SLC4A4: variants seen among roughly 807,000 people sequenced by gnomAD.
The protein encoded by SLC4A4 is electrogenic sodium bicarbonate cotransporter 1.
A neutral mutation model predicts 111.5 loss-of-function variants in SLC4A4; 27 were observed. The observed-to-expected ratio is 0.24, with a 90% CI of 0.18 to 0.33. The LOEUF (loss-of-function observed/expected upper bound fraction) is 0.33, where lower values mean the gene tolerates loss of function less well. Among genes scored for constraint, SLC4A4 ranks in the 10% least tolerant of loss-of-function variants. The probability of loss-of-function intolerance (pLI) is 1.00; values close to 1 mark genes in which losing one functional copy is unlikely to be tolerated. For synonymous variants in SLC4A4, 443 were observed against 463.4 expected (o/e 0.96, Z 0.57); for missense variants, 909 against 1,315.5 (o/e 0.69, Z 4.78).
intron 6 of SLC4A4, among the ~76,000 whole-genome samples, chr4:71,385,353 C>A (rs924829161): frequency 2.6e-5 from 4 of 151,218 alleles, no homozygotes; most frequent in African/African-American, 9.7e-5. Context: ...CATGCACCAT[C>A]CGACCCGGCT....
chr4:71,382,762 A>T (rs979562383), intron 6 of SLC4A4, among the ~76,000 whole-genome samples: 6 of 152,294 alleles, frequency 3.9e-5, no homozygotes, highest in Non-Finnish European at 7.4e-5. Flanking sequence ...AGCCACATCT[A>T]CAACATACCC....
At chr4:71,567,164 G>T (rs369496578) in intron 25 of SLC4A4, 81 bp downstream of exon 25, 4 of 1,108,266 alleles carry the variant, frequency 3.6e-6, no homozygotes, top group Non-Finnish European at 5.3e-6. Flanking sequence ...GTTATTGACA[G>T]AACTTCTTGT....
At chr4:71,211,855 C>T (rs1476628291) in intron 1 of SLC4A4, among the ~76,000 whole-genome samples, 5 of 150,410 alleles carry the variant, frequency 3.3e-5, no homozygotes, top group Admixed American at 2.7e-4. Context: ...GACTGTCAGG[C>T]CTGGAGTTGT....
At chr4:71,199,686 G>T (rs1385508081) in intron 1 of SLC4A4, among the ~76,000 whole-genome samples, 1 of 152,014 alleles carries the variant, frequency 6.6e-6, no homozygotes, top group African/African-American at 2.4e-5. Flanking sequence ...GTCTTGCTTT[G>T]TTGCCCAGGC....
At chr4:71,468,726 A>T (rs1727606579) in intron 13 of SLC4A4, among the ~76,000 whole-genome samples, 1 of 66,242 alleles carries the variant, frequency 1.5e-5, no homozygotes, top group East Asian at 5.6e-4. Flanking sequence ...GACTCATTCC[A>T]TGCTCCATGA....
intron 7 of SLC4A4, among the ~76,000 whole-genome samples, chr4:71,420,566 T>C (rs1722349359): frequency 6.6e-6 from 1 of 151,964 alleles, no homozygotes; most frequent in African/African-American, 2.4e-5. Context: ...GAAGGAAAAA[T>C]GTTAAGGGCA....
intron 1 of SLC4A4, among the ~76,000 whole-genome samples, chr4:71,199,993 G>A (rs890518902): frequency 3.3e-5 from 5 of 152,102 alleles, no homozygotes; most frequent in African/African-American, 1.2e-4. Context: ...GGAAAAAGCA[G>A]GTTAGAGCAT....
chr4:71,531,818 G>A (rs879747288), intron 16 of SLC4A4, among the ~76,000 whole-genome samples: 24 of 151,166 alleles, frequency 1.6e-4, no homozygotes, highest in Admixed American at 7.3e-4. Context: ...AAGAGAGAGA[G>A]AGAGAGAGAA....
chr4:71,348,715 C>T (rs1330333931), intron 4 of SLC4A4, among the ~76,000 whole-genome samples: 4 of 152,030 alleles, frequency 2.6e-5, no homozygotes, highest in Non-Finnish European at 5.9e-5. Context: ...GTGGGCTGAT[C>T]GCTTGATCTA....
At chr4:71,286,785 T>C (rs2149097597) in intron 3 of SLC4A4, among the ~76,000 whole-genome samples, 1 of 152,372 alleles carries the variant, frequency 6.6e-6, no homozygotes. Flanking sequence ...CTAACCTTTA[T>C]TGTTACTACT....
At chr4:71,413,027 G>A (rs1721506280) in intron 7 of SLC4A4, among the ~76,000 whole-genome samples, 1 of 152,174 alleles carries the variant, frequency 6.6e-6, no homozygotes, top group Non-Finnish European at 1.5e-5. Flanking sequence ...GCCCCCAGAT[G>A]CAGATGAAGA....
intron 2 of SLC4A4, among the ~76,000 whole-genome samples, chr4:71,120,331 G>A (rs1043859019): frequency 5.3e-5 from 8 of 152,156 alleles, no homozygotes; most frequent in South Asian, 4.1e-4. Flanking sequence ...CCACCAGGGT[G>A]ATAATGCTTC....
intron 2 of SLC4A4, among the ~76,000 whole-genome samples, chr4:71,110,771 T>G (rs1743063204): frequency 1.3e-5 from 2 of 152,190 alleles, no homozygotes; most frequent in African/African-American, 4.8e-5. Context: ...GGCTCTAGAT[T>G]CTTTTTAAAT....
At chr4:71,459,884 T>C (rs546712954) in intron 12 of SLC4A4, among the ~76,000 whole-genome samples, 3 of 152,070 alleles carry the variant, frequency 2.0e-5, no homozygotes, top group Non-Finnish European at 4.4e-5. Context: ...AAATAATGGT[T>C]CATTTTTGTT....
intron 7 of SLC4A4, among the ~76,000 whole-genome samples, chr4:71,406,968 A>G (rs767039191): frequency 6.6e-6 from 1 of 152,168 alleles, no homozygotes; most frequent in Non-Finnish European, 1.5e-5. Flanking sequence ...TGTCAACTCT[A>G]TTTGACATAT....
intron 2 of SLC4A4, among the ~76,000 whole-genome samples, chr4:71,178,759 A>G (rs943088233): frequency 2.0e-4 from 30 of 152,278 alleles, no homozygotes; most frequent in Admixed American, 1.2e-3. Context: ...ATTCACAGCC[A>G]AATTCTACCA....
chr4:71,087,537 C>T (rs1257204680), intron 1 of SLC4A4, among the ~76,000 whole-genome samples: 2 of 152,032 alleles, frequency 1.3e-5, no homozygotes, highest in Admixed American at 1.3e-4. Flanking sequence ...CTCTAGTGGG[C>T]ATTTAGTGCT....
intron 2 of SLC4A4, among the ~76,000 whole-genome samples, chr4:71,155,993 A>G (rs1326364817): frequency 1.3e-5 from 2 of 152,214 alleles, no homozygotes; most frequent in African/African-American, 2.4e-5. Context: ...CAAAATTAAC[A>G]AGAATACACA....
At chr4:71,438,060 T>C (rs1191790365) in intron 7 of SLC4A4, 3 of 153,012 alleles carry the variant, frequency 2.0e-5, no homozygotes, top group Admixed American at 2.0e-4. Flanking sequence ...TCCCAGCTCG[T>C]GCAGGGCTCA....
Sources: allele counts gnomAD v4.1 joint callset (sites outside exome capture counted in the v4.1 genomes callset), GRCh38; gene constraint gnomAD v4.1.1; transcripts MANE v1.5; gene names NCBI Gene and HGNC (gene_info 2026-07-23, HGNC 2026-07-21).